MAPKAP1: variants seen among roughly 807,000 people sequenced by gnomAD.
MAPKAP1 encodes MAPK associated protein 1.
Under a neutral mutation model 65.7 loss-of-function variants are expected in MAPKAP1, and 20 were observed. That is an observed-to-expected ratio of 0.30 (90% CI 0.21 to 0.44). The LOEUF (loss-of-function observed/expected upper bound fraction) is 0.44, where lower values mean the gene tolerates loss of function less well. Ranked by LOEUF, MAPKAP1 falls within the 20% of genes least tolerant of loss-of-function variation. The pLI, the probability that MAPKAP1 is intolerant of heterozygous loss-of-function variation, is 1.00. For synonymous variants in MAPKAP1, 222 were observed against 244.3 expected, an observed-to-expected ratio of 0.91 and a Z score of 0.85; for missense variants, 423 against 648.0, an observed-to-expected ratio of 0.65 and a Z score of 3.77.
At chr9:125,600,764 A>G (rs990160645) in intron 4 of MAPKAP1, among the ~76,000 whole-genome samples, 1 of 152,158 alleles carries the variant, frequency 6.6e-6, no homozygotes, top group African/African-American at 2.4e-5. Context: ...CACAGGTATA[A>G]TCTAGCCATC....
At chr9:125,479,074 T>C (rs1023805390) in intron 9 of MAPKAP1, among the ~76,000 whole-genome samples, 3 of 152,190 alleles carry the variant, frequency 2.0e-5, no homozygotes, top group Admixed American at 6.5e-5. Context: ...AGTTTCATCA[T>C]ATAAAAAATG....
At chr9:125,641,014 G>A (rs1424027861) in intron 4 of MAPKAP1, among the ~76,000 whole-genome samples, 1 of 152,200 alleles carries the variant, frequency 6.6e-6, no homozygotes, top group Admixed American at 6.5e-5. Flanking sequence ...AGCAGGGTGT[G>A]ATCTTAGGCA....
At chr9:125,611,797 T>A (rs1369518989) in intron 4 of MAPKAP1, among the ~76,000 whole-genome samples, 1 of 151,886 alleles carries the variant, frequency 6.6e-6, no homozygotes, top group Non-Finnish European at 1.5e-5. Context: ...AAGCATAACA[T>A]CACAATATAC....
chr9:125,620,703 T>G (rs1298157186), intron 4 of MAPKAP1, among the ~76,000 whole-genome samples: 2 of 152,202 alleles, frequency 1.3e-5, no homozygotes, highest in East Asian at 1.9e-4. Flanking sequence ...TCTCTGGCAC[T>G]AACAGAGACA....
At chr9:125,584,030 T>G (rs977531434) in intron 5 of MAPKAP1, among the ~76,000 whole-genome samples, 1 of 150,424 alleles carries the variant, frequency 6.6e-6, no homozygotes, top group African/African-American at 2.5e-5. Flanking sequence ...GCCACTGCAC[T>G]CCAGCCTGGG....
intron 1 of MAPKAP1, among the ~76,000 whole-genome samples, chr9:125,689,421 T>A (rs1196541044): frequency 3.5e-4 from 33 of 94,336 alleles, no homozygotes; most frequent in African/African-American, 1.4e-3. Context: ...GGCGACAGAG[T>A]GAGACTCCAT....
At chr9:125,669,695 G>A (rs1169966126) in intron 3 of MAPKAP1, 123 bp downstream of exon 3, 2 of 497,240 alleles carry the variant, frequency 4.0e-6, no homozygotes, top group African/African-American at 2.0e-5. Context: ...AGAGCTCAAA[G>A]CTCAAAACAC....
chr9:125,460,957 T>C (rs1242724358), intron 10 of MAPKAP1, among the ~76,000 whole-genome samples: 1 of 152,154 alleles, frequency 6.6e-6, no homozygotes, highest in Non-Finnish European at 1.5e-5. Flanking sequence ...TGTAAATAAA[T>C]AGGCATGCCT....
intron 4 of MAPKAP1, among the ~76,000 whole-genome samples, chr9:125,645,367 A>G (rs1323201508): frequency 6.6e-6 from 1 of 152,230 alleles, no homozygotes; most frequent in Non-Finnish European, 1.5e-5. Context: ...AACGCAGATG[A>G]CAATGGAGTT....
intron 11 of MAPKAP1, among the ~76,000 whole-genome samples, chr9:125,440,508 G>A (rs1852439843): frequency 6.6e-6 from 1 of 152,224 alleles, no homozygotes. Context: ...TGCCTCTGCT[G>A]ATTCTACTCC....
intron 7 of MAPKAP1, among the ~76,000 whole-genome samples, chr9:125,525,550 G>A (rs916031760): frequency 5.3e-5 from 8 of 152,132 alleles, no homozygotes; most frequent in African/African-American, 1.9e-4. Context: ...GCGCATGCCT[G>A]TAATCCCAGC....
chr9:125,486,815 C>T (rs1230184550), intron 8 of MAPKAP1, among the ~76,000 whole-genome samples: 3 of 152,036 alleles, frequency 2.0e-5, no homozygotes, highest in African/African-American at 7.3e-5. Flanking sequence ...TCATTCTCTC[C>T]CGGCCCCTCC....
intron 1 of MAPKAP1, among the ~76,000 whole-genome samples, chr9:125,698,496 C>T (rs1313873918): frequency 6.6e-6 from 1 of 150,808 alleles, no homozygotes; most frequent in Non-Finnish European, 1.5e-5. Context: ...TGTGTGCCAC[C>T]ACGCCTGGCA....
chr9:125,485,468 T>C (rs1395802547), intron 8 of MAPKAP1, among the ~76,000 whole-genome samples: 1 of 152,226 alleles, frequency 6.6e-6, no homozygotes, highest in East Asian at 1.9e-4. Flanking sequence ...GAAGAACACT[T>C]TTTTAGCCAG....
In MAPKAP1 at chr9:125,493,632, C is replaced by T. The variant is rs919175294; in HGVS notation, c.1067-9049G>A. Among the ~76,000 whole-genome samples the T allele has an allele frequency of 4.6e-5, 7 of 152,198 alleles. No homozygotes were observed. In the East Asian group the frequency reaches 5.8e-4, roughly 13 times the overall value. ...TAACAGCACCTAACATACCTTTCCT[C>T]GTTTTCCATTCAGACTCCCCAACAG... On this transcript the variant is annotated intron_variant, in intron 8 of 11. Transcript: ENST00000265960.
intron 4 of MAPKAP1, among the ~76,000 whole-genome samples, chr9:125,617,137 T>C (rs1200117546): frequency 6.6e-6 from 1 of 152,232 alleles, no homozygotes; most frequent in Non-Finnish European, 1.5e-5. Flanking sequence ...TACCCCAAAA[T>C]GTATTTCTTA....
At chr9:125,580,998 C>G (rs1285107351) in intron 5 of MAPKAP1, among the ~76,000 whole-genome samples, 1 of 152,188 alleles carries the variant, frequency 6.6e-6, no homozygotes, top group Admixed American at 6.5e-5. Context: ...GTTTTTTTCA[C>G]TACGTGAATC....
chr9:125,697,876 C>G (rs1167421964), intron 1 of MAPKAP1, among the ~76,000 whole-genome samples: 2 of 151,408 alleles, frequency 1.3e-5, no homozygotes, highest in African/African-American at 4.9e-5. Flanking sequence ...GTATTTTCAT[C>G]AAATCCTTAA....
intron 7 of MAPKAP1, among the ~76,000 whole-genome samples, chr9:125,538,875 G>A (rs1385358087): frequency 2.0e-5 from 3 of 152,210 alleles, no homozygotes; most frequent in South Asian, 4.1e-4. Flanking sequence ...GTTATGGATC[G>A]ATATTTACAT....
Sources: allele counts gnomAD v4.1 joint callset (sites outside exome capture counted in the v4.1 genomes callset), GRCh38; gene constraint gnomAD v4.1.1; transcripts MANE v1.5; gene names NCBI Gene and HGNC (gene_info 2026-07-23, HGNC 2026-07-21).